The following NAP1L1 variants were observed in gnomAD, a reference collection of about 807,000 sequenced individuals.
NAP1L1 encodes the protein nucleosome assembly protein 1 like 1, also known as nucleosome assembly protein 1-like 1.
Under a neutral mutation model 58.9 loss-of-function variants are expected in NAP1L1, and 9 were observed. The ratio of observed to expected loss-of-function variants is 0.15; its 90% CI spans 0.09 to 0.27. The LOEUF (loss-of-function observed/expected upper bound fraction) is 0.27. NAP1L1 is among the 10% of genes least tolerant of loss of function. NAP1L1 has a pLI of 1.00. For synonymous variants in NAP1L1, 130 were observed against 138.3 expected (o/e 0.94, Z 0.42); for missense variants, 302 against 458.8 (o/e 0.66, Z 3.12).
At position 76,067,488 on chromosome 12, in the gene NAP1L1, G is replaced by A. The variant is rs200468058; in HGVS notation, c.104-15C>T. On this transcript the variant is annotated splice_polypyrimidine_tract_variant and intron_variant, in intron 3 of 14. Transcript: ENST00000618691. Reference sequence around the variant, plus strand: ...TAGCTGACGTGCTTTAAAAAAAAAAGGGCATCGAAAGAAGGATTTTATGAA... The same window carrying A: ...TAGCTGACGTGCTTTAAAAAAAAAAAGGCATCGAAAGAAGGATTTTATGAA... The A allele has an allele frequency of 7.7e-6, 9 of 1,172,928 alleles. No individual in the cohort carries two copies. Among genetic ancestry groups the A allele is most frequent in the Admixed American group, 3.8e-5 (2 of 52,364 alleles). 72.7% of individuals were successfully genotyped at this position (1,172,928 alleles called of 1,614,324 possible).
At chr12:76,064,194 C>T (rs561423841) in intron 4 of NAP1L1, among the ~76,000 whole-genome samples, 9 of 152,008 alleles carry the variant, frequency 5.9e-5, no homozygotes, top group African/African-American at 2.2e-4. Flanking sequence ...AATTATGACC[C>T]CCCCAAAAAA....
chr12:76,073,156 GT>G (rs1555185861), intron 2 of NAP1L1, among the ~76,000 whole-genome samples: 1 of 150,338 alleles, frequency 6.7e-6, no homozygotes, highest in Non-Finnish European at 1.5e-5. Context: ...TCACTCATCT[GT>G]TTTTTTTTAA....
intron 1 of NAP1L1, 42 bp from the exon 2 acceptor site, chr12:76,074,281 T>A: frequency 1.3e-6 from 2 of 1,520,644 alleles, no homozygotes; most frequent in Non-Finnish European, 1.8e-6. Flanking sequence ...AGTATATGAT[T>A]TATTAAAAAA....
chr12:76,067,500 A>G (rs779842106), intron 3 of NAP1L1, 27 bp from the exon 4 acceptor site: 9 of 1,542,272 alleles, frequency 5.8e-6, no homozygotes, highest in Non-Finnish European at 8.0e-6. Context: ...GCATCGAAAG[A>G]AGGATTTTAT....
intron 3 of NAP1L1, among the ~76,000 whole-genome samples, chr12:76,068,092 T>A (rs546974570): frequency 6.6e-6 from 1 of 152,298 alleles, no homozygotes; most frequent in East Asian, 1.9e-4. Flanking sequence ...AGTACTAACC[T>A]TCTCTTCATC....
At chr12:76,050,954 G>A (rs1376417479) in intron 11 of NAP1L1, among the ~76,000 whole-genome samples, 1 of 150,298 alleles carries the variant, frequency 6.7e-6, no homozygotes, top group East Asian at 1.9e-4. Flanking sequence ...AGCAGCTTGA[G>A]GCTGAAATGA....
Position 76,039,525 on chromosome 12 carries a change from G to A in NAP1L1, c.*8904C>T, listed in dbSNP as rs1948530833. 1 of 152,074 alleles carries A rather than the reference G, an allele frequency of 6.6e-6. No homozygotes were observed. The highest frequency in any genetic ancestry group is 1.5e-5 in the Non-Finnish European group (1 of 68,014). 9.4% of individuals were successfully genotyped at this position (152,074 alleles called of 1,614,324 possible). A position where few individuals can be genotyped will look rare whatever the true frequency, so the allele number is the denominator to read the frequency against. On this transcript the variant is annotated 3_prime_UTR_variant, in exon 15 of 15. Coordinates refer to ENST00000618691, the MANE Select transcript of NAP1L1 (RefSeq NM_004537.7). ...ATAAATACAAACTCTTCAGGGCAGG[G>A]GAGAGAAAAAGGAAAGATTATCTGA... is the stretch of plus-strand genomic sequence containing the variant.
Position 76,048,324 on chromosome 12 carries a change from A to T in NAP1L1, c.*105T>A. ...GTTTCCTGTCCTTTAAAAAAAAATT[A>T]CCTAGTCTACCAAGAAAATACAAAA... is the stretch of plus-strand genomic sequence containing the variant. On this transcript the variant is annotated 3_prime_UTR_variant, in exon 15 of 15. Coordinates refer to ENST00000618691, the MANE Select transcript of NAP1L1 (RefSeq NM_004537.7). The T allele has an allele frequency of 7.6e-7, 1 of 1,307,912 alleles. No individual in the cohort carries two copies. The highest frequency in any genetic ancestry group is 1.1e-6 in the Non-Finnish European group (1 of 932,106). The allele number at this position is 1,307,912 out of a possible 1,614,324, so 81.0% of individuals were successfully genotyped here.
rs115101335 is a variant in NAP1L1 at position 76,066,605 on chromosome 12, C to T, written c.206+766G>A. On this transcript the variant is annotated intron_variant, in intron 4 of 14. Coordinates refer to ENST00000618691, the MANE Select transcript of NAP1L1 (RefSeq NM_004537.7). ...AAATACAAATAAGACAAAATGAGTC[C>T]ACACCTCTTAGACTGATTTAAAAAT... Among the ~76,000 whole-genome samples, 1,480 of 152,116 alleles carry T rather than the reference C, an allele frequency of 9.7e-3. 22 individuals are homozygous for T. Among genetic ancestry groups the T allele is most frequent in the African/African-American group, 0.033 (1,373 of 41,528 alleles).
At chr12:76,075,832 G>A (rs1166599444) in intron 1 of NAP1L1, among the ~76,000 whole-genome samples, 1 of 151,844 alleles carries the variant, frequency 6.6e-6, no homozygotes, top group Non-Finnish European at 1.5e-5. Flanking sequence ...ATCTTTTCTG[G>A]AGAGCAACCT....
intron 4 of NAP1L1, among the ~76,000 whole-genome samples, chr12:76,064,914 G>A (rs1949592979): frequency 6.6e-6 from 1 of 152,036 alleles, no homozygotes; most frequent in Non-Finnish European, 1.5e-5. Context: ...TATGCAAGTT[G>A]TTTCAGGAAA....
chr12:76,074,121 A>G (rs1950086406), intron 2 of NAP1L1, 82 bp downstream of exon 2: 1 of 1,181,056 alleles, frequency 8.5e-7, no homozygotes, highest in Non-Finnish European at 1.3e-6. Context: ...TTCATAATAT[A>G]TAATTCATAC....
chr12:76,075,976 C>T (rs1950156369), intron 1 of NAP1L1, among the ~76,000 whole-genome samples: 1 of 152,044 alleles, frequency 6.6e-6, no homozygotes. Flanking sequence ...CAAGCCTTGG[C>T]AACACAATGA....
At chr12:76,063,881 T>TAAAAAAAAAAAAAAA (rs10693123) in intron 4 of NAP1L1, among the ~76,000 whole-genome samples, 1 of 137,498 alleles carries the variant, frequency 7.3e-6, no homozygotes, top group African/African-American at 2.8e-5. Flanking sequence ...GTTAAAAGTT[T>TAAAAAAAAAAAAAAA]AAAAAAAAAA....
In NAP1L1 at chr12:76,053,912, G is replaced by A. The variant is rs1948953603; in HGVS notation, c.631-3C>T. 2 of 1,593,596 alleles carry A rather than the reference G, an allele frequency of 1.3e-6. No homozygotes were observed. The highest frequency in any genetic ancestry group is 1.7e-6 in the Non-Finnish European group (2 of 1,174,338). On this transcript the variant is annotated splice_region_variant and splice_polypyrimidine_tract_variant and intron_variant, in intron 8 of 14. Coordinates refer to ENST00000618691, the MANE Select transcript of NAP1L1 (RefSeq NM_004537.7). The stretch of plus-strand genomic sequence containing the variant: ...AAGTGAAATTCTAAGACAAAACTCT[G>A]GGGAGAGGAAGCATAAAAATCAGTT...
intron 1 of NAP1L1, among the ~76,000 whole-genome samples, chr12:76,077,890 A>G (rs530377681): frequency 6.0e-4 from 89 of 148,542 alleles, no homozygotes; most frequent in South Asian, 3.7e-3. Context: ...AGGCTGAGGC[A>G]GGAGAATTGC....
At chr12:76,068,353 G>A (rs775214758) in intron 3 of NAP1L1, among the ~76,000 whole-genome samples, 2 of 151,948 alleles carry the variant, frequency 1.3e-5, no homozygotes, top group Admixed American at 6.6e-5. Context: ...ACTTCCATCC[G>A]GCTTAAAAAT....
intron 4 of NAP1L1, among the ~76,000 whole-genome samples, chr12:76,062,144 G>C (rs1409872545): frequency 6.6e-6 from 1 of 152,174 alleles, no homozygotes; most frequent in Non-Finnish European, 1.5e-5. Flanking sequence ...CCCTTCACAA[G>C]AGCCCAATGC....
At chr12:76,078,700 T>C in intron 1 of NAP1L1, among the ~76,000 whole-genome samples, 1 of 152,114 alleles carries the variant, frequency 6.6e-6, no homozygotes, top group East Asian at 1.9e-4. Context: ...AAGAGTAAGA[T>C]ACACAGCTGA....
Sources: gnomAD v4.1 joint callset for allele counts (sites outside exome capture counted in the v4.1 genomes callset) on GRCh38, gnomAD v4.1.1 for gene constraint, MANE v1.5 for transcripts, NCBI Gene and HGNC (gene_info 2026-07-23, HGNC 2026-07-21) for gene names.